The following HEBP2 variants were observed in gnomAD, a reference collection of about 807,000 sequenced individuals.
The protein encoded by HEBP2 is heme binding protein 2.
A neutral mutation model predicts 23.1 loss-of-function variants in HEBP2; 27 were observed. The observed-to-expected ratio is 1.17, with a 90% CI of 0.86 to 1.61. The LOEUF is 1.61. Ranked by LOEUF, HEBP2 falls within the 40% of genes most tolerant of loss-of-function variation. The pLI is 0.00. For missense variants in HEBP2, 245 were observed against 253.8 expected, an observed-to-expected ratio of 0.97 and a Z score of 0.24; for synonymous variants, 99 against 95.1, an observed-to-expected ratio of 1.04 and a Z score of -0.24.
chr6:138,412,778 A>G (rs1774770194), intron 3 of HEBP2, 102 bp from the exon 4 acceptor site: 6 of 964,686 alleles, frequency 6.2e-6, no homozygotes, highest in Middle Eastern at 3.3e-4. Flanking sequence ...TTGGAGCTGC[A>G]CTTCACTCAG....
chr6:138,411,910 C>T (rs1019260082), intron 3 of HEBP2, among the ~76,000 whole-genome samples: 1 of 152,064 alleles, frequency 6.6e-6, no homozygotes, highest in Non-Finnish European at 1.5e-5. Flanking sequence ...CATATTCCAG[C>T]CTGGGCAACA....
rs372834119 is a variant in HEBP2 at position 138,406,738 on chromosome 6, A to G, written c.419+587A>G. 6.6e-5 allele frequency among the ~76,000 whole-genome samples: 10 copies of G among 152,196 alleles called. No homozygotes were observed. In the East Asian group the frequency reaches 1.5e-3, roughly 23 times the overall value. On this transcript the variant is annotated intron_variant, in intron 3 of 3. Transcript: ENST00000607197. ...AGGCCTCATCTCCTAATACTATCAC[A>G]TTAGTGATTAGGTTTTCAAAATATG...
rs779300426 is a variant in HEBP2, at chr6:138,405,267, C to A, written c.225C>A (p.Gly75=). ...GFTKLNSYIQ[G]KNEKEMKIKM... is the part of the protein sequence containing the mutation. ...CGAAACTGAACAGCTACATTCAAGG[C>A]AAAAACGAGAAAGGTAAAAGCAGTT... The change falls in exon 2 of 4, where the codon GGC becomes GGA. Residue 75 remains glycine (G), a synonymous_variant. Coordinates refer to ENST00000607197, the MANE Select transcript of HEBP2 (RefSeq NM_014320.3). 6.2e-7 allele frequency: 1 copy of A among 1,613,828 alleles called. No individual in the cohort carries two copies. The highest frequency in any genetic ancestry group is 1.1e-5 in the South Asian group (1 of 90,974).
At position 138,415,052 on chromosome 6, in the gene HEBP2, GAA is replaced by G; in HGVS notation, c.*1983_*1984del. On this transcript the variant is annotated 3_prime_UTR_variant, in exon 4 of 4. Coordinates refer to ENST00000607197, the MANE Select transcript of HEBP2 (RefSeq NM_014320.3). ...ACAGAGCAAGATCCTGTCTCAGAAA[GAA>G]AAAAAAAAGTCCTAGTCATTTCTAC... is the stretch of plus-strand genomic sequence containing the variant. 6.7e-6 allele frequency: 1 copy of G among 148,756 alleles called. No homozygotes were observed. Among genetic ancestry groups the G allele is most frequent in the Non-Finnish European group, 1.5e-5 (1 of 66,926 alleles). The allele number at this position is 148,756 out of a possible 1,614,324, so 9.2% of individuals were successfully genotyped here.
At chr6:138,405,650 G>T (rs1774632221) in intron 2 of HEBP2, among the ~76,000 whole-genome samples, 1 of 152,172 alleles carries the variant, frequency 6.6e-6, no homozygotes, top group Non-Finnish European at 1.5e-5. Flanking sequence ...TTATATTTTA[G>T]CAGGTCTCTT....
At chr6:138,407,994 T>C (rs112053938) in intron 3 of HEBP2, among the ~76,000 whole-genome samples, 6 of 152,320 alleles carry the variant, frequency 3.9e-5, no homozygotes, top group African/African-American at 1.2e-4. Context: ...TCCTTTGAAA[T>C]TGTTCTGCCC....
At position 138,413,259 on chromosome 6, in the gene HEBP2, G is replaced by A; in HGVS notation, c.*181G>A. 1 of 570,366 alleles carries A rather than the reference G, an allele frequency of 1.8e-6. No individual in the cohort carries two copies. The highest frequency in any genetic ancestry group is 3.1e-6 in the Non-Finnish European group (1 of 320,116). 35.3% of individuals were successfully genotyped at this position (570,366 alleles called of 1,614,324 possible). On this transcript the variant is annotated 3_prime_UTR_variant, in exon 4 of 4. Coordinates refer to ENST00000607197, the MANE Select transcript of HEBP2 (RefSeq NM_014320.3). ...TTTATCTACATACACAGGTAACAGA[G>A]GACAGTAGTCTGTAAACATATAAAT...
chr6:138,421,069 G>T lies in HEBP2; in HGVS notation c.*7991G>T, dbSNP rs529424963. 6.6e-6 allele frequency: 1 copy of T among 152,364 alleles called. No individual in the cohort carries two copies. Among genetic ancestry groups the T allele is most frequent in the East Asian group, 1.9e-4 (1 of 5,178 alleles). The allele number at this position is 152,364 out of a possible 1,614,324, so 9.4% of individuals were successfully genotyped here. A position where few individuals can be genotyped will look rare whatever the true frequency, so the allele number is the denominator to read the frequency against. On this transcript the variant is annotated 3_prime_UTR_variant, in exon 4 of 4. Transcript: ENST00000607197. ...GGTAGGTCAGAGCAGGCAACTGAGA[G>T]AAACTGTATTACAGTTACCGAGTGG... is the stretch of plus-strand genomic sequence containing the variant.
rs1774849200 is a variant in HEBP2, at chr6:138,416,819, C to A, written c.*3741C>A. On this transcript the variant is annotated 3_prime_UTR_variant, in exon 4 of 4. Transcript: ENST00000607197. Reference sequence around the variant, plus strand: ...TGAGCAAGAATTGATGAGCAGGGGACTGAGAGAGATCACTCCAATTAAAAA... The same window carrying A: ...TGAGCAAGAATTGATGAGCAGGGGAATGAGAGAGATCACTCCAATTAAAAA... The A allele has an allele frequency of 6.6e-6, 1 of 152,216 alleles. No individual in the cohort carries two copies. Among genetic ancestry groups the A allele is most frequent in the African/African-American group, 2.4e-5 (1 of 41,444 alleles). The allele number at this position is 152,216 out of a possible 1,614,324, so 9.4% of individuals were successfully genotyped here.
rs773201790 is a variant in HEBP2 at position 138,419,432 on chromosome 6, T to C, written c.*6354T>C. ...GGCCTACAGGGTCCTGAACACAATCTAAGGACTTACAAAACATCTGAACTG... is the reference window on the plus strand; with the variant it reads ...GGCCTACAGGGTCCTGAACACAATCCAAGGACTTACAAAACATCTGAACTG... On this transcript the variant is annotated 3_prime_UTR_variant, in exon 4 of 4. Coordinates refer to ENST00000607197, the MANE Select transcript of HEBP2 (RefSeq NM_014320.3). 2 of 152,136 alleles carry C rather than the reference T, an allele frequency of 1.3e-5. No homozygotes were observed. Among genetic ancestry groups the C allele is most frequent in the African/African-American group, 2.4e-5 (1 of 41,416 alleles). The allele number at this position is 152,136 out of a possible 1,614,324, so 9.4% of individuals were successfully genotyped here.
At chr6:138,408,324 A>G (rs1774684665) in intron 3 of HEBP2, among the ~76,000 whole-genome samples, 1 of 152,204 alleles carries the variant, frequency 6.6e-6, no homozygotes, top group Non-Finnish European at 1.5e-5. Flanking sequence ...CACATCTTCC[A>G]TTCACATTTT....
chr6:138,405,590 C>T (rs1273101081), intron 2 of HEBP2, among the ~76,000 whole-genome samples: 1 of 152,136 alleles, frequency 6.6e-6, no homozygotes, highest in Non-Finnish European at 1.5e-5. Flanking sequence ...CAAGAAGGTA[C>T]CAAGATTAGA....
upstream of HEBP2, chr6:138,403,551 C>A: frequency 4.2e-6 from 2 of 480,710 alleles, no homozygotes; most frequent in East Asian, 6.8e-5. Context: ...CCTCGGAGCT[C>A]TGGCTGCCCA....
rs201217939 is a variant in HEBP2 at position 138,405,999 on chromosome 6, G to A, written c.267G>A (p.Val89=). 7 of 1,612,936 alleles carry A rather than the reference G, an allele frequency of 4.3e-6. No individual in the cohort carries two copies. The highest frequency in any genetic ancestry group is 5.1e-6 in the Non-Finnish European group (6 of 1,179,708). ...TGAAAATAAAGATGACAGCTCCAGTGACAAGCTACGTGGAGCCTGGTTCAG... is the reference window on the plus strand; with the variant it reads ...TGAAAATAAAGATGACAGCTCCAGTAACAAGCTACGTGGAGCCTGGTTCAG... The part of the protein sequence containing the change: ...KEMKIKMTAP[V]TSYVEPGSGP... The change falls in exon 3 of 4, where the codon GTG becomes GTA. Residue 89 remains valine (V), a synonymous_variant. Coordinates refer to ENST00000607197, the MANE Select transcript of HEBP2 (RefSeq NM_014320.3).
chr6:138,404,745 C>T (rs555267053), intron 1 of HEBP2, 148 bp downstream of exon 1: 16 of 497,546 alleles, frequency 3.2e-5, no homozygotes, highest in Middle Eastern at 5.3e-4. Context: ...CGAGAAACCC[C>T]GGTCATTTAG....
Position 138,419,059 on chromosome 6 carries a change from AACAACCAAGTAGATGAAATG to A in HEBP2, c.*5984_*6003del, listed in dbSNP as rs1391532263. 2 of 151,994 alleles carry A rather than the reference AACAACCAAGTAGATGAAATG, an allele frequency of 1.3e-5. No individual in the cohort carries two copies. Among genetic ancestry groups the A allele is most frequent in the Non-Finnish European group, 2.9e-5 (2 of 68,008 alleles). The allele number at this position is 151,994 out of a possible 1,614,324, so 9.4% of individuals were successfully genotyped here. On this transcript the variant is annotated 3_prime_UTR_variant, in exon 4 of 4. Coordinates refer to ENST00000607197, the MANE Select transcript of HEBP2 (RefSeq NM_014320.3). ...AGCACCCACCAGAGAAGAGGCACTA[AACAACCAAGTAGATGAAATG>A]ACTTAGCCTGTTCTATTAGCTTTTG...
At chr6:138,406,401 A>G (rs920430217) in intron 3 of HEBP2, among the ~76,000 whole-genome samples, 16 of 152,242 alleles carry the variant, frequency 1.1e-4, no homozygotes, top group African/African-American at 3.6e-4. Flanking sequence ...ATATGCTCCC[A>G]AAACAAAAGA....
rs1774627008 is a variant in HEBP2, at chr6:138,405,400, C to T, written c.238+120C>T. On this transcript the variant is annotated intron_variant, in intron 2 of 3. Transcript: ENST00000607197. ...GGAAAAATAAGCAAGTCATCAAAGACTTGTCTTGTTTTCAGACAAGACTCC... is the reference window on the plus strand; with the variant it reads ...GGAAAAATAAGCAAGTCATCAAAGATTTGTCTTGTTTTCAGACAAGACTCC... 6 of 1,296,202 alleles carry T rather than the reference C, an allele frequency of 4.6e-6. No individual in the cohort carries two copies. The East Asian group carries it at 1.5e-4, about 32-fold the overall frequency. The allele number at this position is 1,296,202 out of a possible 1,614,324, so 80.3% of individuals were successfully genotyped here. A position where few individuals can be genotyped will look rare whatever the true frequency, so the allele number is the denominator to read the frequency against.
rs1247625305 is a variant in HEBP2, at chr6:138,419,406, G to GGC, written c.*6329_*6330insCG. The stretch of plus-strand genomic sequence containing the variant: ...CTATTCTAGGTATGTGGTTCCTTTC[G>GGC]GGCCTACAGGGTCCTGAACACAATC... On this transcript the variant is annotated 3_prime_UTR_variant, in exon 4 of 4. Coordinates refer to ENST00000607197, the MANE Select transcript of HEBP2 (RefSeq NM_014320.3). 6.6e-6 allele frequency: 1 copy of GGC among 152,058 alleles called. No individual in the cohort carries two copies. The highest frequency in any genetic ancestry group is 2.4e-5 in the African/African-American group (1 of 41,392). The allele number at this position is 152,058 out of a possible 1,614,324, so 9.4% of individuals were successfully genotyped here.
Sources: allele counts gnomAD v4.1 joint callset (sites outside exome capture counted in the v4.1 genomes callset), GRCh38; gene constraint gnomAD v4.1.1; transcripts MANE v1.5; gene names NCBI Gene and HGNC (gene_info 2026-07-23, HGNC 2026-07-21).